The following UHRF2 variants were observed in gnomAD, a reference collection of about 807,000 sequenced individuals.
The protein encoded by UHRF2 is E3 ubiquitin-protein ligase UHRF2.
A neutral mutation model predicts 96.8 loss-of-function variants in UHRF2; 23 were observed. The ratio of observed to expected loss-of-function variants is 0.24; its 90% CI spans 0.17 to 0.34. The LOEUF is 0.34. UHRF2 is among the 10% of genes least tolerant of loss of function. UHRF2 has a pLI of 1.00. For missense variants in UHRF2, 685 were observed against 981.5 expected (o/e 0.70, Z 4.04); for synonymous variants, 385 against 332.6 (o/e 1.16, Z -1.72).
chr9:6,457,887 A>G (rs1455973253), intron 3 of UHRF2, among the ~76,000 whole-genome samples: 1 of 152,106 alleles, frequency 6.6e-6, no homozygotes, highest in Non-Finnish European at 1.5e-5. Context: ...GCTTTTTGAT[A>G]TATGCTGCTG....
chr9:6,500,670 G>A lies in UHRF2; in HGVS notation c.2124G>A (p.Lys708=), dbSNP rs1331356487. ...HLIREDCQNQ[K]LWDEVLSHLV... ...TCAGAGAAGATTGTCAAAACCAGAA[G>A]CTGTGGGATGAAGTGCTTTCACATC... The change falls in exon 14 of 16, where the codon AAG becomes AAA. Residue 708 remains lysine, a synonymous_variant. Transcript: ENST00000276893. 1 of 1,613,510 alleles carries A rather than the reference G, an allele frequency of 6.2e-7. No homozygotes were observed. Among genetic ancestry groups the A allele is most frequent in the African/African-American group, 1.3e-5 (1 of 74,918 alleles).
intron 9 of UHRF2, among the ~76,000 whole-genome samples, chr9:6,491,415 T>TG (rs1243079532): frequency 6.6e-6 from 1 of 152,214 alleles, no homozygotes; most frequent in East Asian, 1.9e-4. Context: ...CAGTAGTAGA[T>TG]GTGTGTTACA....
chr9:6,421,544 T>C (rs1819930282), intron 2 of UHRF2, among the ~76,000 whole-genome samples: 1 of 152,120 alleles, frequency 6.6e-6, no homozygotes, highest in Non-Finnish European at 1.5e-5. Flanking sequence ...AGTCTCCTGA[T>C]TAGCTGGGAT....
At position 6,445,981 on chromosome 9, in the gene UHRF2, C is replaced by CTT. The variant is rs57147850; in HGVS notation, c.644+11826_644+11827dup. Among the ~76,000 whole-genome samples, 397 of 78,852 alleles carry CTT rather than the reference C, an allele frequency of 5.0e-3. 8 individuals are homozygous for CTT. The highest frequency in any genetic ancestry group is 7.0e-3 in the East Asian group (13 of 1,864). The allele number at this position is 78,852 out of a possible 152,430, so 51.7% of individuals were successfully genotyped here. ...TAAATACTCTTCCCCCCCCGCCACC[C>CTT]TTTTTTTTTTTTTTTTTTTCCTGTT... On this transcript the variant is annotated intron_variant, in intron 3 of 15. Transcript: ENST00000276893.
chr9:6,426,138 C>T (rs1281030418), intron 2 of UHRF2, among the ~76,000 whole-genome samples: 1 of 152,244 alleles, frequency 6.6e-6, no homozygotes, highest in Non-Finnish European at 1.5e-5. Flanking sequence ...ATTCCTTCCT[C>T]TTCCCTCCCC....
intron 3 of UHRF2, among the ~76,000 whole-genome samples, chr9:6,447,986 G>C (rs185507061): frequency 6.6e-6 from 1 of 152,310 alleles, no homozygotes; most frequent in East Asian, 1.9e-4. Flanking sequence ...ACCCTACCTA[G>C]TGTTTAAAAC....
At chr9:6,466,505 A>T (rs1215670593) in intron 4 of UHRF2, among the ~76,000 whole-genome samples, 1 of 142,240 alleles carries the variant, frequency 7.0e-6, no homozygotes, top group Non-Finnish European at 1.5e-5. Flanking sequence ...ACGCCACTGT[A>T]CTCCAGCCTG....
At chr9:6,502,885 G>T (rs1048552200) in intron 14 of UHRF2, among the ~76,000 whole-genome samples, 2 of 151,848 alleles carry the variant, frequency 1.3e-5, no homozygotes, top group African/African-American at 4.9e-5. Flanking sequence ...ATAATACTTT[G>T]TCTGTAATAT....
intron 3 of UHRF2, among the ~76,000 whole-genome samples, chr9:6,449,836 T>G (rs1021543754): frequency 3.3e-5 from 5 of 152,188 alleles, no homozygotes; most frequent in African/African-American, 1.2e-4. Context: ...TAGCAGACAA[T>G]ATTTCCCATG....
At chr9:6,500,777 G>C (rs1354580835) in intron 14 of UHRF2, 68 bp downstream of exon 14, 1 of 1,459,894 alleles carries the variant, frequency 6.8e-7, no homozygotes, top group Non-Finnish European at 9.2e-7. Context: ...GTCTCATGAA[G>C]TCTGTTTTTC....
At position 6,451,946 on chromosome 9, in the gene UHRF2, C is replaced by T. The variant is rs368413138; in HGVS notation, c.645-8627C>T. Among the ~76,000 whole-genome samples, 12 of 152,068 alleles carry T rather than the reference C, an allele frequency of 7.9e-5. No homozygotes were observed. In the South Asian group the frequency reaches 1.0e-3, roughly 13 times the overall value. On this transcript the variant is annotated intron_variant, in intron 3 of 15. Transcript: ENST00000276893. ...TAAGTAACAATGTTAGTTTGGTTTA[C>T]GCTTCTGTTTTAATAAAAGTGTATT...
intron 3 of UHRF2, among the ~76,000 whole-genome samples, chr9:6,454,273 T>C (rs1301964579): frequency 6.6e-6 from 1 of 152,218 alleles, no homozygotes; most frequent in Non-Finnish European, 1.5e-5. Flanking sequence ...GAACATCTTT[T>C]GAGTGAAGAC....
rs1208987824 is a variant in UHRF2, at chr9:6,474,691, C to T, written c.864-700C>T. On this transcript the variant is annotated intron_variant, in intron 4 of 15. Transcript: ENST00000276893. ...ACTGCACTCCAGCCTGGTGACAGAG[C>T]GAGACTCCATCTCAATAAATAATAC... is the stretch of plus-strand genomic sequence containing the variant. 3.3e-5 allele frequency among the ~76,000 whole-genome samples: 5 copies of T among 152,068 alleles called. No individual in the cohort carries two copies. In the South Asian group the frequency reaches 6.2e-4, roughly 19 times the overall value.
At chr9:6,477,293 G>C (rs1823638072) in intron 5 of UHRF2, among the ~76,000 whole-genome samples, 1 of 151,652 alleles carries the variant, frequency 6.6e-6, no homozygotes, top group Non-Finnish European at 1.5e-5. Flanking sequence ...GGGAGGTTGA[G>C]GCGGGCAGAT....
At chr9:6,450,217 G>A (rs1461555377) in intron 3 of UHRF2, among the ~76,000 whole-genome samples, 1 of 151,538 alleles carries the variant, frequency 6.6e-6, no homozygotes, top group Non-Finnish European at 1.5e-5. Flanking sequence ...ATTTAAAAAT[G>A]TACTTAGGTT....
chr9:6,444,686 C>A (rs1040657921), intron 3 of UHRF2, among the ~76,000 whole-genome samples: 1 of 152,102 alleles, frequency 6.6e-6, no homozygotes, highest in Non-Finnish European at 1.5e-5. Flanking sequence ...ACTGCAACCT[C>A]CCCCTCCAGG....
chr9:6,495,424 C>T (rs1824907985), intron 10 of UHRF2: 1 of 152,200 alleles, frequency 6.6e-6, no homozygotes, highest in Non-Finnish European at 1.5e-5. Flanking sequence ...GCAAAGGTAC[C>T]TGTATGTCTT....
At chr9:6,416,798 A>C (rs910693077) in intron 1 of UHRF2, among the ~76,000 whole-genome samples, 6 of 152,240 alleles carry the variant, frequency 3.9e-5, no homozygotes, top group African/African-American at 1.4e-4. Flanking sequence ...AAGTGCTGGG[A>C]TTACAGGCGT....
rs571775106 is a variant in UHRF2 at position 6,490,975 on chromosome 9, G to T, written c.1498-2851G>T. On this transcript the variant is annotated intron_variant, in intron 9 of 15. Transcript: ENST00000276893. Reference sequence around the variant, plus strand: ...AAGAAAAAAAGTTTCCTGAATTCTTGAATTTGGTATAAATTTCATGAAGCC... The same window carrying T: ...AAGAAAAAAAGTTTCCTGAATTCTTTAATTTGGTATAAATTTCATGAAGCC... Among the ~76,000 whole-genome samples, 2 of 152,168 alleles carry T rather than the reference G, an allele frequency of 1.3e-5. 1 individual carries two copies. The highest frequency in any genetic ancestry group is 1.3e-4 in the Admixed American group (2 of 15,274).
Sources: gnomAD v4.1 joint callset for allele counts (sites outside exome capture counted in the v4.1 genomes callset) on GRCh38, gnomAD v4.1.1 for gene constraint, MANE v1.5 for transcripts, NCBI Gene and HGNC (gene_info 2026-07-23, HGNC 2026-07-21) for gene names.